FAM135B: variants seen among roughly 807,000 people sequenced by gnomAD.
FAM135B encodes the protein family with sequence similarity 135 member B.
Under a neutral mutation model 127.7 loss-of-function variants are expected in FAM135B, and 43 were observed. That is an observed-to-expected ratio of 0.34 (90% confidence interval 0.26 to 0.43). FAM135B has a LOEUF of 0.43. Ranked by LOEUF, FAM135B falls within the 20% of genes least tolerant of loss-of-function variation. The pLI is 1.00. For synonymous variants in FAM135B, 670 were observed against 665.1 expected, an observed-to-expected ratio of 1.01 and a Z score of -0.11; for missense variants, 1,558 against 1,725.6, an observed-to-expected ratio of 0.90 and a Z score of 1.72.
At chr8:138,297,130 A>G (rs902401525) in intron 3 of FAM135B, among the ~76,000 whole-genome samples, 11 of 152,192 alleles carry the variant, frequency 7.2e-5, no homozygotes, top group Non-Finnish European at 1.5e-5. Flanking sequence ...GATCAGACGT[A>G]TGCATCTGCT....
intron 3 of FAM135B, among the ~76,000 whole-genome samples, chr8:138,294,913 T>C (rs1228241892): frequency 6.6e-6 from 1 of 152,186 alleles, no homozygotes; most frequent in African/African-American, 2.4e-5. Context: ...TTAAATTCCT[T>C]TGGCCCTGAA....
chr8:138,197,258 G>T (rs1297026253), intron 8 of FAM135B, among the ~76,000 whole-genome samples: 1 of 152,180 alleles, frequency 6.6e-6, no homozygotes, highest in Admixed American at 6.5e-5. Context: ...TGGCAGGTGT[G>T]TAATAGGTAC....
chr8:138,211,344 G>A (rs573419801), intron 7 of FAM135B, among the ~76,000 whole-genome samples: 11 of 152,148 alleles, frequency 7.2e-5, no homozygotes, highest in Non-Finnish European at 1.5e-4. Flanking sequence ...TACTAGTCCC[G>A]TTCTACAGAT....
chr8:138,492,397 AC>A (rs1815238110), intron 1 of FAM135B, among the ~76,000 whole-genome samples: 1 of 150,556 alleles, frequency 6.6e-6, no homozygotes, highest in East Asian at 2.0e-4. Context: ...TCTTTTTCCC[AC>A]CTCTCATTAC....
chr8:138,254,041 C>T (rs927536343), intron 5 of FAM135B, among the ~76,000 whole-genome samples: 1 of 152,154 alleles, frequency 6.6e-6, no homozygotes, highest in South Asian at 2.1e-4. Flanking sequence ...GAAGCCTGGC[C>T]TCACTTCCAA....
At chr8:138,378,956 C>T (rs1831663350) in intron 1 of FAM135B, among the ~76,000 whole-genome samples, 3 of 152,164 alleles carry the variant, frequency 2.0e-5, no homozygotes, top group Non-Finnish European at 2.9e-5. Context: ...ATTAAGGGAG[C>T]AGCAGCCAAT....
In FAM135B at chr8:138,171,471, C is replaced by T. The variant is rs114519704; in HGVS notation, c.1104-3422G>A. 6.7e-3 allele frequency among the ~76,000 whole-genome samples: 1,023 copies of T among 152,292 alleles called. 9 individuals carry two copies. Among genetic ancestry groups the T allele is most frequent in the African/African-American group, 0.023 (939 of 41,568 alleles). On this transcript the variant is annotated intron_variant, in intron 11 of 19. Transcript: ENST00000395297. ...CTGCATAACTGATTGATTCATAATG[C>T]TTATTGTTTAGCACCTGTCTTCCAA...
chr8:138,346,948 T>C (rs1483724404), intron 2 of FAM135B, among the ~76,000 whole-genome samples: 1 of 152,216 alleles, frequency 6.6e-6, no homozygotes, highest in Non-Finnish European at 1.5e-5. Context: ...TCTGTTTCTA[T>C]CATGAGGCTT....
intron 2 of FAM135B, among the ~76,000 whole-genome samples, chr8:138,322,877 G>A (rs1197243800): frequency 6.6e-6 from 1 of 152,156 alleles, no homozygotes; most frequent in Non-Finnish European, 1.5e-5. Flanking sequence ...CTCCGCCCTA[G>A]CAGGAAGGCC....
intron 5 of FAM135B, among the ~76,000 whole-genome samples, chr8:138,253,704 C>T (rs1306813934): frequency 2.0e-5 from 3 of 152,150 alleles, no homozygotes; most frequent in African/African-American, 7.2e-5. Context: ...ATCCTCCTGC[C>T]TGCATTGAGA....
intron 3 of FAM135B, among the ~76,000 whole-genome samples, chr8:138,284,594 AG>A (rs1050603390): frequency 2.6e-5 from 4 of 151,078 alleles, no homozygotes; most frequent in Non-Finnish European, 5.9e-5. Context: ...CTGGCCTGCC[AG>A]CCCCTCCCTG....
intron 1 of FAM135B, among the ~76,000 whole-genome samples, chr8:138,442,267 T>TATATATACATATATATATATATAC (rs1554694337): frequency 1.2e-5 from 1 of 86,762 alleles, no homozygotes; most frequent in Non-Finnish European, 2.4e-5. Flanking sequence ...TATATATATA[T>TATATATACATATATATATATATAC]ATATATATAT....
intron 9 of FAM135B, among the ~76,000 whole-genome samples, chr8:138,180,493 A>G (rs543419837): frequency 6.6e-6 from 1 of 152,302 alleles, no homozygotes; most frequent in African/African-American, 2.4e-5. Flanking sequence ...TATGCAAAAC[A>G]AATTACTGCT....
intron 2 of FAM135B, among the ~76,000 whole-genome samples, chr8:138,327,981 C>T (rs1398291): frequency 0.86 from 130,714 of 152,050 alleles, 57,435 homozygotes; most frequent in Non-Finnish European, 0.96. Context: ...AGCAAAATGG[C>T]TGGAGCAAAA....
At position 138,132,574 on chromosome 8, in the gene FAM135B, A is replaced by G. The variant is rs770612462; in HGVS notation, c.*19T>C. On this transcript the variant is annotated 3_prime_UTR_variant, in exon 20 of 20. Transcript: ENST00000395297. The surrounding 1 kb of genome is among the most constrained non-coding windows in gnomAD (Gnocchi z 4.5). ...CCACCGATCGTAAGCATTACCAAAGACCTGCTCCCTCAAAGCCACTACTTG... is the reference window on the plus strand; with the variant it reads ...CCACCGATCGTAAGCATTACCAAAGGCCTGCTCCCTCAAAGCCACTACTTG... 9 of 1,603,200 alleles carry G rather than the reference A, an allele frequency of 5.6e-6. No homozygotes were observed. In the Admixed American group the frequency reaches 1.0e-4, roughly 18 times the overall value.
At chr8:138,371,990 G>A (rs987005428) in intron 1 of FAM135B, among the ~76,000 whole-genome samples, 10 of 152,198 alleles carry the variant, frequency 6.6e-5, no homozygotes, top group Non-Finnish European at 1.2e-4. Flanking sequence ...ACTGGGAAAG[G>A]GTGATCCAGT....
upstream of FAM135B, among the ~76,000 whole-genome samples, chr8:138,497,515 G>A (rs1432744000): frequency 6.6e-6 from 1 of 152,152 alleles, no homozygotes; most frequent in Non-Finnish European, 1.5e-5. Flanking sequence ...GCAGATATCC[G>A]GGGGCGGGGC....
chr8:138,337,918 C>T (rs964765407), intron 2 of FAM135B, among the ~76,000 whole-genome samples: 5 of 152,026 alleles, frequency 3.3e-5, no homozygotes, highest in Non-Finnish European at 7.4e-5. Context: ...GAGATATAGA[C>T]CAATGGAACA....
At chr8:138,271,409 G>A (rs1365950423) in intron 3 of FAM135B, among the ~76,000 whole-genome samples, 1 of 152,062 alleles carries the variant, frequency 6.6e-6, no homozygotes, top group Non-Finnish European at 1.5e-5. Context: ...AGATTATTAT[G>A]TTTGTATGTT....
Sources: gnomAD v4.1 joint callset for allele counts (sites outside exome capture counted in the v4.1 genomes callset) on GRCh38, gnomAD v4.1.1 for gene constraint, Gnocchi (gnomAD v3.1) non-coding constraint, MANE v1.5 for transcripts, NCBI Gene and HGNC (gene_info 2026-07-23, HGNC 2026-07-21) for gene names.